The following GRIN2B variants were observed in gnomAD, a reference collection of about 807,000 sequenced individuals.
GRIN2B encodes glutamate receptor ionotropic, NMDA 2B.
In GRIN2B, 5 loss-of-function variants were observed where a neutral mutation model predicts 114.5. The ratio of observed to expected loss-of-function variants is 0.04; its 90% CI spans 0.02 to 0.09. GRIN2B has a LOEUF of 0.09. Among genes scored for constraint, GRIN2B ranks in the 10% least tolerant of loss-of-function variants. GRIN2B has a pLI of 1.00. For missense variants in GRIN2B, 1,108 were observed against 1,943.5 expected, an observed-to-expected ratio of 0.57 and a Z score of 8.08; for synonymous variants, 787 against 745.1, an observed-to-expected ratio of 1.06 and a Z score of -0.92.
chr12:13,671,997 G>C (rs1163041253), intron 5 of GRIN2B, among the ~76,000 whole-genome samples: 1 of 152,058 alleles, frequency 6.6e-6, no homozygotes, highest in East Asian at 1.9e-4. Flanking sequence ...CCTCATCATG[G>C]GTCATTAGGA....
chr12:13,806,479 G>A (rs1295974298), intron 3 of GRIN2B, among the ~76,000 whole-genome samples: 1 of 152,098 alleles, frequency 6.6e-6, no homozygotes, highest in Non-Finnish European at 1.5e-5. Context: ...GATTAGTGAT[G>A]TTGAGCATTT....
In GRIN2B at chr12:13,560,603, CCTT is replaced by C. The variant is rs1948529913; in HGVS notation, c.*2177_*2179del. On this transcript the variant is annotated 3_prime_UTR_variant, in exon 14 of 14. Coordinates refer to ENST00000609686, the MANE Select transcript of GRIN2B (RefSeq NM_000834.5). ...GAAGCAGTGTTTACGTGGCCCTTCG[CCTT>C]CTTCCTCCTGGAGGTGCCTCATGCC... is the stretch of plus-strand genomic sequence containing the variant. 6.6e-6 allele frequency: 1 copy of C among 152,232 alleles called. No homozygotes were observed. Among genetic ancestry groups the C allele is most frequent in the Admixed American group, 6.5e-5 (1 of 15,278 alleles). 9.4% of individuals were successfully genotyped at this position (152,232 alleles called of 1,614,324 possible). A position where few individuals can be genotyped will look rare whatever the true frequency, so the allele number is the denominator to read the frequency against.
intron 3 of GRIN2B, among the ~76,000 whole-genome samples, chr12:13,780,910 GA>G (rs543724072): frequency 1.3e-3 from 200 of 151,292 alleles, no homozygotes; most frequent in African/African-American, 4.5e-3. Context: ...GCAAAAAAGG[GA>G]AAAAAATGGA....
At chr12:13,973,037 G>A (rs368988662) in intron 2 of GRIN2B, among the ~76,000 whole-genome samples, 1 of 152,292 alleles carries the variant, frequency 6.6e-6, no homozygotes, top group East Asian at 1.9e-4. Context: ...CTAGAAGGTG[G>A]GAGGATTAGT....
chr12:13,628,936 G>C (rs547887863), intron 5 of GRIN2B, among the ~76,000 whole-genome samples: 50 of 152,186 alleles, frequency 3.3e-4, no homozygotes, highest in Non-Finnish European at 1.0e-4. Flanking sequence ...ACATTAAAGA[G>C]ACACATAAGA....
At chr12:13,840,079 G>A (rs1865351041) in intron 3 of GRIN2B, among the ~76,000 whole-genome samples, 1 of 152,170 alleles carries the variant, frequency 6.6e-6, no homozygotes, top group Non-Finnish European at 1.5e-5. Context: ...GTAACTCAAA[G>A]GGTGAGGTGT....
chr12:13,718,427 G>T (rs10845832), intron 4 of GRIN2B, among the ~76,000 whole-genome samples: 33,050 of 151,564 alleles, frequency 0.22, 4,689 homozygotes, highest in Non-Finnish European at 0.32. Context: ...AAGTACCAAG[G>T]AAAAAAAGAG....
At chr12:13,937,124 A>G (rs949305605) in intron 2 of GRIN2B, among the ~76,000 whole-genome samples, 1 of 151,042 alleles carries the variant, frequency 6.6e-6, no homozygotes, top group Non-Finnish European at 1.5e-5. Flanking sequence ...AAGAAAAATG[A>G]AAGAGCTGCA....
At chr12:13,709,801 GACAA>G in intron 4 of GRIN2B, among the ~76,000 whole-genome samples, 1 of 151,884 alleles carries the variant, frequency 6.6e-6, no homozygotes, top group Non-Finnish European at 1.5e-5. Context: ...TCCCACTGTT[GACAA>G]ACATTCATAT....
chr12:13,776,623 T>C (rs938630912), intron 3 of GRIN2B, among the ~76,000 whole-genome samples: 5 of 152,222 alleles, frequency 3.3e-5, no homozygotes, highest in Admixed American at 3.3e-4. Flanking sequence ...TATCATATTT[T>C]AGGGAAAAAA....
At chr12:13,926,048 T>C (rs977616569) in intron 2 of GRIN2B, among the ~76,000 whole-genome samples, 1 of 152,028 alleles carries the variant, frequency 6.6e-6, no homozygotes, top group Non-Finnish European at 1.5e-5. Context: ...ATGCCAGATC[T>C]GAAGTAAAGG....
intron 3 of GRIN2B, among the ~76,000 whole-genome samples, chr12:13,774,753 A>G (rs372106736): frequency 8.5e-5 from 13 of 152,194 alleles, no homozygotes; most frequent in African/African-American, 2.7e-4. Context: ...CTGAGCACTT[A>G]CCATATAAAA....
chr12:13,908,782 A>G (rs1866585053), intron 2 of GRIN2B, among the ~76,000 whole-genome samples: 2 of 152,210 alleles, frequency 1.3e-5, no homozygotes, highest in Non-Finnish European at 2.9e-5. Flanking sequence ...AACTCGTTTC[A>G]AGTCATCTCC....
intron 2 of GRIN2B, among the ~76,000 whole-genome samples, chr12:13,921,005 T>C (rs921274789): frequency 2.0e-5 from 3 of 152,222 alleles, no homozygotes; most frequent in African/African-American, 7.2e-5. Context: ...GCACAGTACG[T>C]ATTCTTGAGC....
At chr12:13,614,415 C>A (rs919864121) in intron 8 of GRIN2B, among the ~76,000 whole-genome samples, 2 of 152,124 alleles carry the variant, frequency 1.3e-5, no homozygotes, top group African/African-American at 4.8e-5. Context: ...TTTTATTTTC[C>A]AACCCCTCAT....
chr12:13,569,814 CCTTT>C lies in GRIN2B; in HGVS notation c.2359+12_2359+15del. 2 of 1,548,760 alleles carry C rather than the reference CCTTT, an allele frequency of 1.3e-6. No individual in the cohort carries two copies. The highest frequency in any genetic ancestry group is 1.8e-6 in the Non-Finnish European group (2 of 1,136,834). The stretch of plus-strand genomic sequence containing the variant: ...CAGTAGAGGACAAATGGGCACTTTC[CCTTT>C]CTTGAACTCACCATCTCCAAAGAGC... On this transcript the variant is annotated intron_variant, in intron 12 of 13. Coordinates refer to ENST00000609686, the MANE Select transcript of GRIN2B (RefSeq NM_000834.5).
chr12:13,714,817 G>A (rs901697111), intron 4 of GRIN2B, among the ~76,000 whole-genome samples: 5 of 151,808 alleles, frequency 3.3e-5, no homozygotes, highest in Non-Finnish European at 7.4e-5. Context: ...GTCAAGTTAG[G>A]GCTTTTAGGG....
At chr12:13,699,053 A>G (rs1488091731) in intron 4 of GRIN2B, among the ~76,000 whole-genome samples, 1 of 152,234 alleles carries the variant, frequency 6.6e-6, no homozygotes, top group Non-Finnish European at 1.5e-5. Context: ...TGTCTAAAAA[A>G]GCAGAATAAA....
rs577897997 is a variant in GRIN2B, at chr12:13,713,399, A to G, written c.1011-37540T>C. Among the ~76,000 whole-genome samples, 366 of 152,030 alleles carry G rather than the reference A, an allele frequency of 2.4e-3. 1 individual carries two copies. The highest frequency in any genetic ancestry group is 4.3e-3 in the Non-Finnish European group (292 of 67,872). ...AGCCTCCCATATTCAAGAGGTCCCC[A>G]TCTTACGAAGACAGGCAGTATGACT... On this transcript the variant is annotated intron_variant, in intron 4 of 13. Transcript: ENST00000609686.
Sources: gnomAD v4.1 joint callset for allele counts (sites outside exome capture counted in the v4.1 genomes callset) on GRCh38, gnomAD v4.1.1 for gene constraint, MANE v1.5 for transcripts, NCBI Gene and HGNC (gene_info 2026-07-23, HGNC 2026-07-21) for gene names.